UMAD1: variants seen among roughly 807,000 people sequenced by gnomAD.
The protein encoded by UMAD1 is UBAP1-MVB12-associated (UMA) domain containing 1.
Under a neutral mutation model 6.1 loss-of-function variants are expected in UMAD1, and 8 were observed. The ratio of observed to expected loss-of-function variants is 1.30; its 90% CI spans 0.76 to 2.35. UMAD1 has a LOEUF of 2.35. Ranked by LOEUF, UMAD1 falls within the 30% of genes most tolerant of loss-of-function variation. UMAD1 has a pLI of 0.00. For missense variants in UMAD1, 130 were observed against 78.4 expected, an observed-to-expected ratio of 1.66 and a Z score of -2.49; for synonymous variants, 56 against 31.4, an observed-to-expected ratio of 1.78 and a Z score of -2.61.
At chr7:7,792,932 C>T (rs140868985) in intron 2 of UMAD1, among the ~76,000 whole-genome samples, 38 of 152,254 alleles carry the variant, frequency 2.5e-4, no homozygotes, top group Admixed American at 1.4e-3. Context: ...ACTAATCACT[C>T]GTGAGGGCTC....
chr7:7,677,620 G>A (rs1160303935), intron 2 of UMAD1, among the ~76,000 whole-genome samples: 2 of 147,100 alleles, frequency 1.4e-5, no homozygotes, highest in African/African-American at 5.1e-5. Flanking sequence ...GTATTCCATT[G>A]TGTATATGTA....
intron 3 of UMAD1, among the ~76,000 whole-genome samples, chr7:7,837,318 C>T (rs1360425171): frequency 6.6e-6 from 1 of 152,018 alleles, no homozygotes; most frequent in Middle Eastern, 3.2e-3. Context: ...TGATGTACGT[C>T]AGGCTGAAGG....
rs113981182 is a variant in UMAD1, at chr7:7,869,742, C to T, written c.157-7539C>T. 3.2e-4 allele frequency among the ~76,000 whole-genome samples: 48 copies of T among 152,220 alleles called. 2 individuals are homozygous for T. The highest frequency in any genetic ancestry group is 3.4e-3 in the Middle Eastern group (1 of 294). On this transcript the variant is annotated intron_variant, in intron 3 of 3. Coordinates refer to ENST00000682710, the MANE Select transcript of UMAD1 (RefSeq NM_001302348.2). ...ATTGTTAGTGCGTCTGCAAAGTTGG[C>T]GCCTCCTAATAGACTTCATGGTGGT...
At chr7:7,740,339 G>T (rs1781438218) in intron 2 of UMAD1, among the ~76,000 whole-genome samples, 1 of 152,148 alleles carries the variant, frequency 6.6e-6, no homozygotes, top group Admixed American at 6.5e-5. Flanking sequence ...CTTAAAAAAA[G>T]TTATCTGTTT....
chr7:7,769,290 A>C (rs1782055298), intron 2 of UMAD1, among the ~76,000 whole-genome samples: 1 of 152,162 alleles, frequency 6.6e-6, no homozygotes, highest in African/African-American at 2.4e-5. Context: ...AACTTCCATA[A>C]AAATCTCAAA....
intron 2 of UMAD1, among the ~76,000 whole-genome samples, chr7:7,747,108 G>T (rs138529437): frequency 6.6e-6 from 1 of 151,992 alleles, no homozygotes; most frequent in Non-Finnish European, 1.5e-5. Context: ...TCGAGTGCAT[G>T]GTGAGAAATA....
intron 1 of UMAD1, among the ~76,000 whole-genome samples, chr7:7,659,524 C>T (rs1288931060): frequency 6.6e-6 from 1 of 152,158 alleles, no homozygotes; most frequent in Admixed American, 6.6e-5. Flanking sequence ...TCATTGGTTT[C>T]AAAGAACATC....
chr7:7,680,641 T>C (rs1779885898), intron 2 of UMAD1, among the ~76,000 whole-genome samples: 1 of 152,144 alleles, frequency 6.6e-6, no homozygotes, highest in South Asian at 2.1e-4. Flanking sequence ...GTATGGACAT[T>C]TTAACAATAC....
intron 3 of UMAD1, among the ~76,000 whole-genome samples, chr7:7,853,424 A>G (rs574065091): frequency 2.6e-5 from 4 of 152,202 alleles, no homozygotes; most frequent in African/African-American, 7.2e-5. Context: ...TCTTAACAAT[A>G]CTGTCTTCTG....
At chr7:7,817,371 C>A (rs1783151980) in intron 3 of UMAD1, among the ~76,000 whole-genome samples, 1 of 152,204 alleles carries the variant, frequency 6.6e-6, no homozygotes, top group South Asian at 2.1e-4. Flanking sequence ...TGTGCAGGAA[C>A]AGTCAGACTA....
At chr7:7,734,059 C>G (rs994595338) in intron 2 of UMAD1, among the ~76,000 whole-genome samples, 1 of 152,062 alleles carries the variant, frequency 6.6e-6, no homozygotes, top group Non-Finnish European at 1.5e-5. Context: ...TATTCTCCCC[C>G]CCGCAACCAA....
At chr7:7,825,997 G>A (rs1223205911) in intron 3 of UMAD1, among the ~76,000 whole-genome samples, 3 of 152,044 alleles carry the variant, frequency 2.0e-5, no homozygotes, top group East Asian at 1.9e-4. Context: ...TAATGTAAAC[G>A]CTATATAAAT....
chr7:7,823,164 GC>G (rs1429248569), intron 3 of UMAD1, among the ~76,000 whole-genome samples: 1 of 151,912 alleles, frequency 6.6e-6, no homozygotes, highest in African/African-American at 2.4e-5. Context: ...ATATTGTTGT[GC>G]TTCATAATCC....
At chr7:7,714,751 G>GT (rs1175661852) in intron 2 of UMAD1, among the ~76,000 whole-genome samples, 1 of 151,988 alleles carries the variant, frequency 6.6e-6, no homozygotes, top group Non-Finnish European at 1.5e-5. Flanking sequence ...GTTAAAGCAA[G>GT]TAACAGGTTG....
intron 1 of UMAD1, among the ~76,000 whole-genome samples, chr7:7,646,081 C>T (rs1163594776): frequency 6.6e-6 from 1 of 152,062 alleles, no homozygotes; most frequent in Non-Finnish European, 1.5e-5. Flanking sequence ...TGTCTAGGGG[C>T]GTTACAGTGC....
intron 1 of UMAD1, among the ~76,000 whole-genome samples, chr7:7,648,670 G>A (rs1785151752): frequency 6.6e-6 from 1 of 151,654 alleles, no homozygotes; most frequent in Non-Finnish European, 1.5e-5. Context: ...GGGCAACATG[G>A]TGAAAGCCCA....
chr7:7,741,578 AAATAATAAT>A (rs201307561), intron 2 of UMAD1, among the ~76,000 whole-genome samples: 18,688 of 139,334 alleles, frequency 0.13, 1,411 homozygotes, highest in African/African-American at 0.21. Context: ...CAACGTCTCA[AAATAATAAT>A]AATAATAATA....
chr7:7,796,880 C>G (rs1782695879), intron 2 of UMAD1, among the ~76,000 whole-genome samples: 1 of 152,164 alleles, frequency 6.6e-6, no homozygotes, highest in Non-Finnish European at 1.5e-5. Context: ...AACCCTACCC[C>G]CAAACTCCTC....
chr7:7,711,684 C>T (rs1293903873), intron 2 of UMAD1, among the ~76,000 whole-genome samples: 1 of 151,942 alleles, frequency 6.6e-6, no homozygotes, highest in East Asian at 1.9e-4. Context: ...CTTTTCCCTG[C>T]TGTATTGTCT....
Sources: gnomAD v4.1 joint callset for allele counts (sites outside exome capture counted in the v4.1 genomes callset) on GRCh38, gnomAD v4.1.1 for gene constraint, MANE v1.5 for transcripts, NCBI Gene and HGNC (gene_info 2026-07-23, HGNC 2026-07-21) for gene names.